Variants in UVRAG observed in about 807,000 individuals in gnomAD.
UVRAG encodes UV radiation resistance-associated gene protein.
A neutral mutation model predicts 78.0 loss-of-function variants in UVRAG; 19 were observed. The observed-to-expected ratio is 0.24, with a 90% CI of 0.17 to 0.36. UVRAG has a LOEUF of 0.36. Ranked by LOEUF, UVRAG falls within the 10% of genes least tolerant of loss-of-function variation. The pLI is 1.00. For missense variants in UVRAG, 740 were observed against 853.8 expected, an observed-to-expected ratio of 0.87 and a Z score of 1.66; for synonymous variants, 323 against 324.6, an observed-to-expected ratio of 1.00 and a Z score of 0.05.
At chr11:75,877,348 C>T (rs1446881751) in intron 3 of UVRAG, among the ~76,000 whole-genome samples, 2 of 152,192 alleles carry the variant, frequency 1.3e-5, no homozygotes, top group Non-Finnish European at 2.9e-5. Flanking sequence ...ATGGCCCGTT[C>T]TCAATGAGCT....
chr11:76,126,325 G>T (rs1396387666), intron 14 of UVRAG, among the ~76,000 whole-genome samples: 1 of 152,010 alleles, frequency 6.6e-6, no homozygotes, highest in Admixed American at 6.6e-5. Context: ...TAAAATCCAA[G>T]TTATATATCC....
intron 3 of UVRAG, among the ~76,000 whole-genome samples, chr11:75,877,565 C>T (rs1590963645): frequency 6.8e-6 from 1 of 146,108 alleles, no homozygotes; most frequent in Admixed American, 6.7e-5. Context: ...GGGGCTGACC[C>T]CCCCCACCTC....
intron 3 of UVRAG, among the ~76,000 whole-genome samples, chr11:75,877,483 G>A (rs1157706218): frequency 8.8e-5 from 13 of 148,010 alleles, no homozygotes; most frequent in Admixed American, 8.0e-4. Context: ...CCTCCCTCCC[G>A]GACGGGGCGG....
intron 1 of UVRAG, among the ~76,000 whole-genome samples, chr11:75,837,326 C>CAAA (rs753820781): frequency 2.6e-4 from 17 of 64,380 alleles, no homozygotes; most frequent in African/African-American, 7.0e-4. Context: ...GACTCTGTCT[C>CAAA]AAAAAAAAAA....
intron 6 of UVRAG, among the ~76,000 whole-genome samples, chr11:75,933,509 A>T (rs899558513): frequency 9.2e-5 from 14 of 152,182 alleles, no homozygotes; most frequent in African/African-American, 3.4e-4. Context: ...GGCAAATGGG[A>T]TCACATCAAA....
At chr11:75,976,980 T>C (rs1949257952) in intron 7 of UVRAG, among the ~76,000 whole-genome samples, 1 of 152,256 alleles carries the variant, frequency 6.6e-6, no homozygotes, top group Non-Finnish European at 1.5e-5. Flanking sequence ...ATTTTAGATC[T>C]TTCCTGCTTT....
chr11:75,850,431 C>CT (rs774293458), intron 1 of UVRAG, among the ~76,000 whole-genome samples: 2 of 152,062 alleles, frequency 1.3e-5, no homozygotes, highest in African/African-American at 2.4e-5. Context: ...TTTTGATGGA[C>CT]TTTAAGCAGT....
chr11:76,011,457 C>A (rs1216479854), intron 11 of UVRAG, among the ~76,000 whole-genome samples: 1 of 152,086 alleles, frequency 6.6e-6, no homozygotes, highest in Non-Finnish European at 1.5e-5. Context: ...AACACTGTTT[C>A]TACTAAAAAT....
chr11:76,079,440 G>A (rs1951459109), intron 13 of UVRAG, among the ~76,000 whole-genome samples: 1 of 151,702 alleles, frequency 6.6e-6, no homozygotes, highest in South Asian at 2.1e-4. Flanking sequence ...AGCTATGATT[G>A]TGCCACTGCA....
intron 12 of UVRAG, among the ~76,000 whole-genome samples, chr11:76,053,003 A>G (rs1950898625): frequency 6.7e-6 from 1 of 149,260 alleles, no homozygotes. Flanking sequence ...AGTGTATTAT[A>G]TTTATATATA....
chr11:75,877,323 A>G (rs1020602237), intron 3 of UVRAG, among the ~76,000 whole-genome samples: 2 of 151,822 alleles, frequency 1.3e-5, no homozygotes, highest in Admixed American at 6.5e-5. Flanking sequence ...ATTCCACAAA[A>G]CCGCCATTGT....
chr11:76,137,150 G>T, intron 14 of UVRAG: 1 of 327,048 alleles, frequency 3.1e-6, no homozygotes, highest in Non-Finnish European at 6.1e-6. Context: ...CTCCTGGCCC[G>T]CCACGCAAAT....
chr11:75,881,883 T>C lies in UVRAG; in HGVS notation c.432+1843T>C, dbSNP rs528653399. Among the ~76,000 whole-genome samples, 19 of 152,268 alleles carry C rather than the reference T, an allele frequency of 1.2e-4. No homozygotes were observed. The East Asian group carries it at 3.1e-3, about 25-fold the overall frequency. On this transcript the variant is annotated intron_variant, in intron 4 of 14. Transcript: ENST00000356136. ...GCCCTTATTTTCCAGATGAAAAAAA[T>C]TGAGCCTCAGAAACTTTAGGAAATG...
At chr11:75,877,048 C>T (rs1043240674) in intron 3 of UVRAG, among the ~76,000 whole-genome samples, 3 of 150,222 alleles carry the variant, frequency 2.0e-5, no homozygotes, top group African/African-American at 7.5e-5. Flanking sequence ...GTGGTGATGA[C>T]TCTTAACGAG....
rs184426844 is a variant in UVRAG, at chr11:75,976,051, A to C, written c.700-7336A>C. Among the ~76,000 whole-genome samples the C allele has an allele frequency of 1.4e-3, 218 of 152,240 alleles. 5 individuals are homozygous for C. The East Asian group carries it at 0.032, about 22-fold the overall frequency. On this transcript the variant is annotated intron_variant, in intron 7 of 14. Coordinates refer to ENST00000356136, the MANE Select transcript of UVRAG (RefSeq NM_003369.4). ...TTTGAGATATGTCCCATCAATACCT[A>C]ATTTATTGAGAGTTTTTAGCATGAA...
At chr11:75,838,265 A>G (rs527239508) in intron 1 of UVRAG, among the ~76,000 whole-genome samples, 36 of 152,302 alleles carry the variant, frequency 2.4e-4, no homozygotes, top group African/African-American at 7.9e-4. Flanking sequence ...CTAATAAGCA[A>G]CACTCTATTA....
intron 12 of UVRAG, among the ~76,000 whole-genome samples, chr11:76,058,937 T>G (rs571116926): frequency 5.3e-5 from 8 of 152,284 alleles, no homozygotes; most frequent in Admixed American, 2.0e-4. Flanking sequence ...AAAAGTGAAC[T>G]TGATGTGTTT....
At chr11:75,823,907 G>A (rs945422828) in intron 1 of UVRAG, among the ~76,000 whole-genome samples, 1 of 152,178 alleles carries the variant, frequency 6.6e-6, no homozygotes, top group African/African-American at 2.4e-5. Context: ...ATTGGATTCA[G>A]TGGTATTGAA....
chr11:75,849,568 T>A (rs895886857), intron 1 of UVRAG, among the ~76,000 whole-genome samples: 1 of 152,154 alleles, frequency 6.6e-6, no homozygotes, highest in South Asian at 2.1e-4. Flanking sequence ...AATGTTCACA[T>A]GTATGAAGCA....
Sources: gnomAD v4.1 joint callset for allele counts (sites outside exome capture counted in the v4.1 genomes callset) on GRCh38, gnomAD v4.1.1 for gene constraint, MANE v1.5 for transcripts, NCBI Gene and HGNC (gene_info 2026-07-23, HGNC 2026-07-21) for gene names.